WNT7B: variants seen among roughly 807,000 people sequenced by gnomAD.
WNT7B encodes the protein Wnt family member 7B, also known as protein Wnt-7b.
A neutral mutation model predicts 38.2 loss-of-function variants in WNT7B; 19 were observed. The ratio of observed to expected loss-of-function variants is 0.50; its 90% CI spans 0.35 to 0.73. The LOEUF is 0.73. Among genes scored for constraint, WNT7B ranks in the 30% least tolerant of loss-of-function variants. The pLI, the probability that WNT7B is intolerant of heterozygous loss-of-function variation, is 0.01. For synonymous variants in WNT7B, 243 were observed against 209.3 expected, an observed-to-expected ratio of 1.16 and a Z score of -1.39; for missense variants, 423 against 507.9, an observed-to-expected ratio of 0.83 and a Z score of 1.61.
chr22:45,939,626 T>C (rs1423507929), intron 2 of WNT7B, among the ~76,000 whole-genome samples: 1 of 103,496 alleles, frequency 9.7e-6, no homozygotes, highest in Non-Finnish European at 1.9e-5. Context: ...AAACCCTGTC[T>C]CTACAAACAC....
intron 1 of WNT7B, among the ~76,000 whole-genome samples, chr22:45,953,267 ACAGTCACCG>A (rs1931980296): frequency 7.0e-6 from 1 of 143,708 alleles, no homozygotes; most frequent in Admixed American, 7.0e-5. Context: ...GCTTCCCCTC[ACAGTCACCG>A]TGTCCTCGGC....
chr22:45,946,601 T>A (rs1467725887), intron 2 of WNT7B, among the ~76,000 whole-genome samples: 1 of 152,094 alleles, frequency 6.6e-6, no homozygotes. Context: ...AGGCCTGGGA[T>A]GGGCTCAGGA....
intron 3 of WNT7B, among the ~76,000 whole-genome samples, chr22:45,929,437 C>T (rs977762127): frequency 2.0e-5 from 3 of 146,430 alleles, no homozygotes; most frequent in Non-Finnish European, 4.5e-5. Flanking sequence ...TCCACCCACC[C>T]ACTGATCCAT....
At chr22:45,932,223 A>G (rs905145736) in intron 2 of WNT7B, among the ~76,000 whole-genome samples, 1 of 152,150 alleles carries the variant, frequency 6.6e-6, no homozygotes, top group African/African-American at 2.4e-5. Context: ...TCCCAGGTCA[A>G]TGCCTACTGG....
intron 2 of WNT7B, among the ~76,000 whole-genome samples, chr22:45,934,043 G>A (rs758460277): frequency 7.9e-5 from 12 of 152,218 alleles, no homozygotes; most frequent in Non-Finnish European, 1.2e-4. Context: ...CACATGCGCC[G>A]GGCGCACACC....
chr22:45,949,435 G>A (rs976370415), intron 2 of WNT7B, among the ~76,000 whole-genome samples: 7 of 149,968 alleles, frequency 4.7e-5, no homozygotes, highest in Non-Finnish European at 7.4e-5. Flanking sequence ...CTCCACTCTC[G>A]GAATCTACGA....
At chr22:45,952,343 T>C (rs902682766) in intron 1 of WNT7B, among the ~76,000 whole-genome samples, 1 of 152,178 alleles carries the variant, frequency 6.6e-6, no homozygotes, top group Non-Finnish European at 1.5e-5. Flanking sequence ...AGGGTGACAC[T>C]CAATCCCCGA....
chr22:45,972,839 T>A (rs1266227682), intron 1 of WNT7B: 1 of 152,458 alleles, frequency 6.6e-6, no homozygotes, highest in Non-Finnish European at 1.5e-5. Context: ...CTCGGCAACG[T>A]ATGCGCGTGT....
chr22:45,976,646 T>G lies in WNT7B; in HGVS notation c.71+38A>C. On this transcript the variant is annotated intron_variant, in intron 1 of 3. Transcript: ENST00000339464. The surrounding 1 kb of genome is among the most constrained non-coding windows in gnomAD (Gnocchi z 8.5). ...CGGAGGCAGCTCCTTCGTGCTGTCT[T>G]GGCCCCTGGCTGCTGCCCTCGCCCA... is the stretch of plus-strand genomic sequence containing the variant. 6.3e-7 allele frequency: 1 copy of G among 1,593,768 alleles called. No individual in the cohort carries two copies. The highest frequency in any genetic ancestry group is 1.3e-5 in the African/African-American group (1 of 74,166).
intron 2 of WNT7B, among the ~76,000 whole-genome samples, chr22:45,941,774 T>C (rs1311722444): frequency 6.6e-6 from 1 of 152,230 alleles, no homozygotes; most frequent in Non-Finnish European, 1.5e-5. Context: ...CTGGGGCTTG[T>C]GCTCCGTGAC....
At chr22:45,952,492 A>G (rs751602741) in intron 1 of WNT7B, among the ~76,000 whole-genome samples, 4 of 152,214 alleles carry the variant, frequency 2.6e-5, no homozygotes, top group Non-Finnish European at 5.9e-5. Context: ...AATCTGGGGA[A>G]TTCAGCCCAA....
chr22:45,937,063 G>A (rs1447514950), intron 2 of WNT7B, among the ~76,000 whole-genome samples: 1 of 152,128 alleles, frequency 6.6e-6, no homozygotes, highest in African/African-American at 2.4e-5. Context: ...GGTACTTGGT[G>A]CCCTCCTAGG....
chr22:45,929,410 G>A (rs991719273), intron 3 of WNT7B, among the ~76,000 whole-genome samples: 13 of 135,398 alleles, frequency 9.6e-5, no homozygotes, highest in African/African-American at 1.5e-4. Flanking sequence ...CCATCCACCC[G>A]TGAATCCACT....
chr22:45,964,372 G>C (rs1932265047), intron 1 of WNT7B, among the ~76,000 whole-genome samples: 1 of 152,120 alleles, frequency 6.6e-6, no homozygotes. Flanking sequence ...AGCAGTGATG[G>C]GGCCGAACAA....
chr22:45,944,558 G>C (rs2146727153), intron 2 of WNT7B, among the ~76,000 whole-genome samples: 1 of 152,364 alleles, frequency 6.6e-6, no homozygotes, highest in African/African-American at 2.4e-5. Flanking sequence ...AGAAATGTCT[G>C]TTGAGCTGCC....
chr22:45,927,593 TC>T, intron 3 of WNT7B: 1 of 1,004,558 alleles, frequency 1.0e-6, no homozygotes, highest in Non-Finnish European at 1.5e-6. Context: ...AATGAGAGTG[TC>T]CATATAAGAG....
At chr22:45,949,357 T>G (rs966141272) in intron 2 of WNT7B, among the ~76,000 whole-genome samples, 1 of 84,054 alleles carries the variant, frequency 1.2e-5, no homozygotes, top group Non-Finnish European at 2.2e-5. Context: ...CTCCGGCCAT[T>G]GGATTCCCCG....
chr22:45,969,381 G>A (rs1300505498), intron 1 of WNT7B, among the ~76,000 whole-genome samples: 3 of 152,228 alleles, frequency 2.0e-5, no homozygotes, highest in Admixed American at 1.3e-4. Context: ...AGACCTGCCT[G>A]GGACAGAAGC....
At chr22:45,954,627 A>G (rs571480235) in intron 1 of WNT7B, 47 of 985,372 alleles carry the variant, frequency 4.8e-5, no homozygotes, top group Admixed American at 6.1e-5. Flanking sequence ...GCATGGGTTA[A>G]AGGGGAAGTA....
Sources: allele counts gnomAD v4.1 joint callset (sites outside exome capture counted in the v4.1 genomes callset), GRCh38; gene constraint gnomAD v4.1.1; non-coding constraint Gnocchi (gnomAD v3.1); transcripts MANE v1.5; gene names NCBI Gene and HGNC (gene_info 2026-07-23, HGNC 2026-07-21).